NCALD: variants seen among roughly 807,000 people sequenced by gnomAD.
NCALD encodes the protein neurocalcin-delta.
Under a neutral mutation model 18.6 loss-of-function variants are expected in NCALD, and 10 were observed. The observed-to-expected ratio is 0.54, with a 90% CI of 0.33 to 0.91. The LOEUF (loss-of-function observed/expected upper bound fraction) is 0.91. Ranked by LOEUF, NCALD falls within the 40% of genes least tolerant of loss-of-function variation. The pLI, the probability that NCALD is intolerant of heterozygous loss-of-function variation, is 0.03. For synonymous variants in NCALD, 88 were observed against 87.4 expected, an observed-to-expected ratio of 1.01 and a Z score of -0.04; for missense variants, 184 against 247.6, an observed-to-expected ratio of 0.74 and a Z score of 1.72.
intron 1 of NCALD, among the ~76,000 whole-genome samples, chr8:102,059,521 G>A (rs138493498): frequency 2.2e-4 from 33 of 152,272 alleles, no homozygotes; most frequent in African/African-American, 6.0e-4. Flanking sequence ...TCTGAAAGAC[G>A]TCAAGGCAAA....
chr8:101,801,563 C>G (rs1279053636), intron 4 of NCALD, among the ~76,000 whole-genome samples: 1 of 145,540 alleles, frequency 6.9e-6, no homozygotes, highest in African/African-American at 2.5e-5. Context: ...AATAGAAAAT[C>G]CCTGAATGGA....
chr8:101,909,214 T>C (rs1414173279), intron 3 of NCALD, among the ~76,000 whole-genome samples: 2 of 152,194 alleles, frequency 1.3e-5, no homozygotes, highest in Non-Finnish European at 2.9e-5. Flanking sequence ...GAGTCTAAAA[T>C]TACAAATAAA....
Position 101,695,788 on chromosome 8 carries a change from AT to A in NCALD, c.379-2893del, listed in dbSNP as rs555780914. 2.0e-4 allele frequency among the ~76,000 whole-genome samples: 30 copies of A among 152,208 alleles called. No individual in the cohort carries two copies. The South Asian group carries it at 4.8e-3, about 24-fold the overall frequency. Reference sequence around the variant, plus strand: ...AGATGTGAGGGTAGCAGTCACATCTATTTTTTGAATCCCTGATAGTACCTAA... The same window carrying A: ...AGATGTGAGGGTAGCAGTCACATCTATTTTTGAATCCCTGATAGTACCTAA... On this transcript the variant is annotated intron_variant, in intron 2 of 3. Coordinates refer to ENST00000220931, the MANE Select transcript of NCALD (RefSeq NM_032041.3).
At chr8:101,897,103 C>G (rs981418993) in intron 3 of NCALD, among the ~76,000 whole-genome samples, 33 of 64,200 alleles carry the variant, frequency 5.1e-4, no homozygotes, top group East Asian at 8.0e-4. Flanking sequence ...ATAGCAAAGA[C>G]TTGGAACCAA....
At chr8:101,838,371 A>C (rs1252432868) in intron 4 of NCALD, among the ~76,000 whole-genome samples, 1 of 152,080 alleles carries the variant, frequency 6.6e-6, no homozygotes, top group Non-Finnish European at 1.5e-5. Flanking sequence ...ACAGGTGTGC[A>C]CCACAATGCC....
At chr8:101,885,968 A>T (rs992282659) in intron 4 of NCALD, among the ~76,000 whole-genome samples, 3 of 152,028 alleles carry the variant, frequency 2.0e-5, no homozygotes, top group Non-Finnish European at 2.9e-5. Flanking sequence ...AAATTATCTC[A>T]AGAAGAAGGA....
At chr8:102,102,877 C>T (rs1209700173) in intron 1 of NCALD, among the ~76,000 whole-genome samples, 1 of 152,180 alleles carries the variant, frequency 6.6e-6, no homozygotes, top group Non-Finnish European at 1.5e-5. Context: ...AGGTCCAAGG[C>T]CTGGTCCTCA....
At chr8:102,025,620 G>GAATTA (rs1822427152) in intron 1 of NCALD, among the ~76,000 whole-genome samples, 2 of 152,360 alleles carry the variant, frequency 1.3e-5, no homozygotes, top group South Asian at 4.1e-4. Context: ...GCCCTGAACA[G>GAATTA]AATTAAATTG....
At chr8:101,764,158 A>G (rs1215418146) in intron 1 of NCALD, among the ~76,000 whole-genome samples, 2 of 152,132 alleles carry the variant, frequency 1.3e-5, no homozygotes, top group African/African-American at 4.8e-5. Context: ...TATATTTGGG[A>G]ATCACTGGCA....
At chr8:101,816,635 CTG>C (rs1436149898) in intron 4 of NCALD, among the ~76,000 whole-genome samples, 1 of 152,102 alleles carries the variant, frequency 6.6e-6, no homozygotes, top group Non-Finnish European at 1.5e-5. Context: ...TCCTGTTGAT[CTG>C]TCTTATGTCA....
chr8:101,751,933 G>A (rs888909527), intron 1 of NCALD, among the ~76,000 whole-genome samples: 4 of 152,138 alleles, frequency 2.6e-5, no homozygotes, highest in Non-Finnish European at 4.4e-5. Context: ...CAAGTTAGAA[G>A]TATAAATTTA....
At chr8:101,983,064 C>T (rs1820682056) in intron 2 of NCALD, among the ~76,000 whole-genome samples, 1 of 152,054 alleles carries the variant, frequency 6.6e-6, no homozygotes, top group East Asian at 1.9e-4. Context: ...TGACTAGACC[C>T]CCAAGCGGCT....
intron 1 of NCALD, among the ~76,000 whole-genome samples, chr8:102,100,693 A>G (rs1361256694): frequency 3.3e-5 from 5 of 152,282 alleles, no homozygotes; most frequent in South Asian, 4.1e-4. Flanking sequence ...AACGAGGTAT[A>G]TACATACAGT....
intron 1 of NCALD, among the ~76,000 whole-genome samples, chr8:101,774,489 G>A (rs1466908595): frequency 6.6e-6 from 1 of 152,148 alleles, no homozygotes; most frequent in Non-Finnish European, 1.5e-5. Flanking sequence ...GTTAACCATT[G>A]GGGAAATGTG....
At chr8:101,879,314 C>T (rs1346950868) in intron 4 of NCALD, among the ~76,000 whole-genome samples, 2 of 152,098 alleles carry the variant, frequency 1.3e-5, no homozygotes, top group East Asian at 1.9e-4. Context: ...GAGTTTGGTC[C>T]TTCTGCTGGG....
chr8:101,815,984 C>G (rs553744859), intron 4 of NCALD, among the ~76,000 whole-genome samples: 1 of 151,914 alleles, frequency 6.6e-6, no homozygotes, highest in African/African-American at 2.4e-5. Flanking sequence ...TACAAAACCA[C>G]GAAAAGACAG....
At chr8:101,721,109 A>G (rs1816333744) in intron 1 of NCALD, 1 of 152,246 alleles carries the variant, frequency 6.6e-6, no homozygotes, top group Non-Finnish European at 1.5e-5. Flanking sequence ...AGTGTGGTCA[A>G]GATAAACCCC....
intron 1 of NCALD, among the ~76,000 whole-genome samples, chr8:101,778,117 C>G (rs1036111886): frequency 6.6e-5 from 10 of 152,204 alleles, no homozygotes; most frequent in African/African-American, 2.4e-4. Context: ...AAAAATAAAG[C>G]CTTCCTGGTC....
chr8:101,800,899 A>AG (rs1294633752), intron 4 of NCALD, among the ~76,000 whole-genome samples: 1 of 38,846 alleles, frequency 2.6e-5, no homozygotes, highest in Non-Finnish European at 4.2e-5. Flanking sequence ...GGGAGAGGGG[A>AG]GGGGGAAAAA....
Sources: allele counts gnomAD v4.1 joint callset (sites outside exome capture counted in the v4.1 genomes callset), GRCh38; gene constraint gnomAD v4.1.1; transcripts MANE v1.5; gene names NCBI Gene and HGNC (gene_info 2026-07-23, HGNC 2026-07-21).